The following OPHN1 variants were observed in gnomAD, a reference collection of about 807,000 sequenced individuals.
OPHN1 encodes the protein oligophrenin-1.
Under a neutral mutation model 60.7 loss-of-function variants are expected in OPHN1, and 11 were observed. The ratio of observed to expected loss-of-function variants is 0.18; its 90% CI spans 0.11 to 0.30. OPHN1 has a LOEUF of 0.30. Among genes scored for constraint, OPHN1 ranks in the 10% least tolerant of loss-of-function variants. OPHN1 has a pLI of 1.00. For synonymous variants in OPHN1, 226 were observed against 222.6 expected, an observed-to-expected ratio of 1.02 and a Z score of -0.14; for missense variants, 449 against 611.0, an observed-to-expected ratio of 0.73 and a Z score of 2.80.
At chrX:68,305,097 C>T (rs1482964077) in intron 2 of OPHN1, among the ~76,000 whole-genome samples, 2 of 111,170 alleles carry the variant, frequency 1.8e-5, no homozygotes, top group East Asian at 2.8e-4. Context: ...AATCAAGACA[C>T]GCCAGGCTTG....
At chrX:68,397,214 G>T (rs1281555047) in intron 2 of OPHN1, among the ~76,000 whole-genome samples, 10 of 111,639 alleles carry the variant, frequency 9.0e-5, no homozygotes, top group African/African-American at 2.9e-4. Context: ...TTTTTCCTTT[G>T]GTTGTTTTTT....
intron 3 of OPHN1, among the ~76,000 whole-genome samples, chrX:68,295,343 G>T (rs2078089583): frequency 8.9e-6 from 1 of 111,866 alleles, no homozygotes; most frequent in Non-Finnish European, 1.9e-5. Context: ...ATGAATTATT[G>T]AGCACCAACT....
At chrX:68,100,702 C>T (rs999346771) in intron 18 of OPHN1, among the ~76,000 whole-genome samples, 2 of 111,235 alleles carry the variant, frequency 1.8e-5, no homozygotes, top group Non-Finnish European at 3.8e-5. Flanking sequence ...AAACAGGTCC[C>T]TATCCCCAAG....
In OPHN1 at chrX:68,187,450, C is replaced by A. The variant is rs2077467653; in HGVS notation, c.1276+5469G>T. ...CTCTGCCTGGTGTTGTTAAAGTGGA[C>A]CATGAGACAAGGAAAGTTCTAGAAG... On this transcript the variant is annotated intron_variant, in intron 15 of 24. Transcript: ENST00000355520. 2.8e-5 allele frequency among the ~76,000 whole-genome samples: 3 copies of A among 106,604 alleles called. No individual in the cohort carries two copies. The South Asian group carries it at 1.3e-3, about 46-fold the overall frequency. 92.6% of individuals were successfully genotyped at this position (106,604 alleles called of 115,157 possible).
chrX:68,392,463 C>A (rs2147755957), intron 2 of OPHN1, among the ~76,000 whole-genome samples: 1 of 109,989 alleles, frequency 9.1e-6, no homozygotes, highest in Non-Finnish European at 1.9e-5. Flanking sequence ...GAATTCAAGG[C>A]AGCAGTCAGC....
intron 2 of OPHN1, among the ~76,000 whole-genome samples, chrX:68,399,098 C>T (rs1414758765): frequency 9.0e-6 from 1 of 110,509 alleles, no homozygotes; most frequent in Non-Finnish European, 1.9e-5. Flanking sequence ...AGTGAGCCAT[C>T]TTTGATATCT....
intron 2 of OPHN1, among the ~76,000 whole-genome samples, chrX:68,385,858 T>C (rs1757538350): frequency 8.9e-6 from 1 of 112,049 alleles, no homozygotes; most frequent in South Asian, 3.7e-4. Flanking sequence ...TAGGGGCAAG[T>C]AAAAACAAAG....
intron 2 of OPHN1, among the ~76,000 whole-genome samples, chrX:68,382,207 C>T (rs1483748927): frequency 1.8e-5 from 2 of 110,251 alleles, no homozygotes; most frequent in Non-Finnish European, 3.8e-5. Flanking sequence ...ATCAGCCGGG[C>T]GTGGTGGTAC....
intron 5 of OPHN1, among the ~76,000 whole-genome samples, chrX:68,249,242 A>T (rs914313334): frequency 8.9e-6 from 1 of 111,888 alleles, no homozygotes; most frequent in African/African-American, 3.3e-5. Flanking sequence ...CCAAAAAATT[A>T]AAAATAAAAA....
rs1023044550 is a variant in OPHN1, at chrX:68,390,532, G to A, written c.154+42335C>T. Among the ~76,000 whole-genome samples the A allele has an allele frequency of 1.2e-4, 13 of 111,781 alleles. No homozygotes were observed. The East Asian group carries it at 2.5e-3, about 22-fold the overall frequency. ...GAGGATCACTTGAGCCCAGGAGGTC[G>A]AGGCTGCAGTCAGCAGAAATTGCGC... On this transcript the variant is annotated intron_variant, in intron 2 of 24. Coordinates refer to ENST00000355520, the MANE Select transcript of OPHN1 (RefSeq NM_002547.3).
rs573571956 is a variant in OPHN1 at position 68,413,974 on chromosome X, G to A, written c.154+18893C>T. Among the ~76,000 whole-genome samples the A allele has an allele frequency of 3.6e-5, 4 of 111,546 alleles. No individual in the cohort carries two copies. The South Asian group carries it at 1.5e-3, about 42-fold the overall frequency. ...ATATGTGTTAAGAACCAAGGCAGTA[G>A]ACCAGGTCCCATTATTGACAAGAAC... is the stretch of plus-strand genomic sequence containing the variant. On this transcript the variant is annotated intron_variant, in intron 2 of 24. Coordinates refer to ENST00000355520, the MANE Select transcript of OPHN1 (RefSeq NM_002547.3).
At chrX:68,171,280 A>T (rs912293888) in intron 15 of OPHN1, among the ~76,000 whole-genome samples, 29 of 111,164 alleles carry the variant, frequency 2.6e-4, no homozygotes, top group Admixed American at 2.6e-3. Context: ...TAATAATTTT[A>T]AAAAAAATTT....
rs1317316764 is a variant in OPHN1, at chrX:68,422,799, G to A, written c.154+10068C>T. On this transcript the variant is annotated intron_variant, in intron 2 of 24. Coordinates refer to ENST00000355520, the MANE Select transcript of OPHN1 (RefSeq NM_002547.3). The stretch of plus-strand genomic sequence containing the variant: ...AAAGAAAGAGAGAGAGGGAGGGAGG[G>A]AGGGAGGGAGGGAAAAAGAAAGAAA... Among the ~76,000 whole-genome samples the A allele has an allele frequency of 1.5e-4, 13 of 86,089 alleles. 1 individual carries two copies. The highest frequency in any genetic ancestry group is 4.8e-4 in the African/African-American group (11 of 23,139). 74.8% of individuals were successfully genotyped at this position (86,089 alleles called of 115,157 possible). A position where few individuals can be genotyped will look rare whatever the true frequency, so the allele number is the denominator to read the frequency against.
intron 19 of OPHN1, among the ~76,000 whole-genome samples, chrX:68,074,245 A>G (rs1304973976): frequency 8.9e-6 from 1 of 112,179 alleles, no homozygotes; most frequent in East Asian, 2.8e-4. Flanking sequence ...GCATGGAAAT[A>G]ACATGATTGA....
intron 15 of OPHN1, among the ~76,000 whole-genome samples, chrX:68,132,502 G>A (rs1477301090): frequency 6.7e-5 from 6 of 89,633 alleles, no homozygotes; most frequent in Non-Finnish European, 1.1e-4. Flanking sequence ...TGAACAATGA[G>A]ATCACATGGA....
chrX:68,294,473 CAAAAAA>C (rs570989143), intron 3 of OPHN1, among the ~76,000 whole-genome samples: 2 of 10,657 alleles, frequency 1.9e-4, no homozygotes, highest in African/African-American at 5.0e-4. Context: ...GACTCTATCA[CAAAAAA>C]AAAAAAAAAA....
At chrX:68,063,531 A>AC (rs1409111987) in intron 21 of OPHN1, among the ~76,000 whole-genome samples, 1 of 111,408 alleles carries the variant, frequency 9.0e-6, no homozygotes, top group Non-Finnish European at 1.9e-5. Flanking sequence ...AAAAAAAAAA[A>AC]AAAAGAAAAT....
chrX:68,152,397 C>T (rs140474393), intron 15 of OPHN1, among the ~76,000 whole-genome samples: 139 of 111,066 alleles, frequency 1.3e-3, no homozygotes, highest in South Asian at 2.7e-3. Flanking sequence ...TCAATAAGTG[C>T]TCCACATCTC....
chrX:68,197,083 A>G (rs756997896), intron 12 of OPHN1, 103 bp downstream of exon 12: 4 of 603,419 alleles, frequency 6.6e-6, no homozygotes, highest in African/African-American at 4.4e-5. Context: ...CTGAGACTAA[A>G]CAATCCATTA....
Sources: allele counts gnomAD v4.1 joint callset (sites outside exome capture counted in the v4.1 genomes callset), GRCh38; gene constraint gnomAD v4.1.1; transcripts MANE v1.5; gene names NCBI Gene and HGNC (gene_info 2026-07-23, HGNC 2026-07-21).